Variants in SCN1A observed in about 807,000 individuals in gnomAD.
SCN1A encodes sodium voltage-gated channel alpha subunit 1, also known as sodium channel protein type 1 subunit alpha.
In SCN1A, 13 loss-of-function variants were observed where a neutral mutation model predicts 193.7. That is an observed-to-expected ratio of 0.07 (90% CI 0.04 to 0.11). The LOEUF (loss-of-function observed/expected upper bound fraction) is 0.11. Among genes scored for constraint, SCN1A ranks in the 10% least tolerant of loss-of-function variants. The pLI, the probability that SCN1A is intolerant of heterozygous loss-of-function variation, is 1.00. For missense variants in SCN1A, 1,432 were observed against 2,451.1 expected (o/e 0.58, Z 8.78); for synonymous variants, 781 against 843.6 (o/e 0.93, Z 1.29).
At chr2:166,024,007 C>A (rs539491111) in intron 19 of SCN1A, among the ~76,000 whole-genome samples, 1 of 152,094 alleles carries the variant, frequency 6.6e-6, no homozygotes, top group Admixed American at 6.6e-5. Flanking sequence ...GAACTCCTGA[C>A]CTCAGGTGAT....
intron 1 of SCN1A, among the ~76,000 whole-genome samples, chr2:166,147,581 A>G (rs1221258085): frequency 6.6e-6 from 1 of 152,306 alleles, no homozygotes; most frequent in East Asian, 1.9e-4. Context: ...ATCATTTTTT[A>G]ACTTATGAGG....
At chr2:166,029,900 C>A (rs1297778191) in intron 19 of SCN1A, among the ~76,000 whole-genome samples, 1 of 152,086 alleles carries the variant, frequency 6.6e-6, no homozygotes, top group Admixed American at 6.6e-5. Context: ...TAGAATTAGA[C>A]CACCACAGGT....
intron 5 of SCN1A, 118 bp downstream of exon 5, chr2:166,058,452 A>T: frequency 1.6e-6 from 1 of 610,658 alleles, no homozygotes; most frequent in East Asian, 2.7e-5. Context: ...AAAGATGCAA[A>T]ATGAGAGTGA....
rs770111331 is a variant in SCN1A, at chr2:165,992,334, T to C, written c.4941A>G (p.Leu1647=). The C allele has an allele frequency of 3.1e-6, 5 of 1,613,704 alleles. No individual in the cohort carries two copies. Among genetic ancestry groups the C allele is most frequent in the East Asian group, 2.2e-5 (1 of 44,832 alleles). The part of the protein sequence containing the change: ...VIRLARIGRI[L]RLIKGAKGIR... ...TCCCCTTTGCTCCTTTGATCAGACGTAGGATTCGGCCAATCCTAGCAAGAC... is the reference window on the plus strand; with the variant it reads ...TCCCCTTTGCTCCTTTGATCAGACGCAGGATTCGGCCAATCCTAGCAAGAC... Residue 1647 remains leucine (L), a synonymous_variant, in exon 29 of 29, where the codon CTA becomes CTG. Transcript: ENST00000674923. This position sits in a 1 kb window ranked among gnomAD's most constrained non-coding sequence, Gnocchi z 6.5.
chr2:166,023,783 T>G (rs1694374996), intron 19 of SCN1A, among the ~76,000 whole-genome samples: 1 of 144,882 alleles, frequency 6.9e-6, no homozygotes, highest in Non-Finnish European at 1.5e-5. Flanking sequence ...AAAATGATGT[T>G]TTTTTTTTTG....
intron 2 of SCN1A, among the ~76,000 whole-genome samples, chr2:166,103,068 G>GATAGAT (rs1553571675): frequency 1.3e-5 from 2 of 149,026 alleles, no homozygotes; most frequent in Non-Finnish European, 3.0e-5. Flanking sequence ...AGATTTGGGA[G>GATAGAT]ATATATATAT....
chr2:165,997,940 C>T, intron 26 of SCN1A, 98 bp downstream of exon 26: 2 of 899,950 alleles, frequency 2.2e-6, no homozygotes, highest in South Asian at 2.8e-5. Flanking sequence ...ATATATACTC[C>T]CATTTTGTTT....
Position 165,986,459 on chromosome 2 carries a change from T to C in SCN1A, c.*4786A>G, listed in dbSNP as rs1688616026. 6.6e-6 allele frequency: 1 copy of C among 152,132 alleles called. No homozygotes were observed. The allele number at this position is 152,132 out of a possible 1,614,324, so 9.4% of individuals were successfully genotyped here. A position where few individuals can be genotyped will look rare whatever the true frequency, so the allele number is the denominator to read the frequency against. ...TAACCACTATGCCGCAGATCTTTTC[T>C]AAAATATTCTTATTTTAATTAAACA... On this transcript the variant is annotated 3_prime_UTR_variant, in exon 29 of 29. Coordinates refer to ENST00000674923, the MANE Select transcript of SCN1A (RefSeq NM_001165963.4).
chr2:166,049,005 A>T, intron 9 of SCN1A, 56 bp from the exon 10 acceptor site: 1 of 1,083,140 alleles, frequency 9.2e-7, no homozygotes, highest in Non-Finnish European at 1.4e-6. Flanking sequence ...AAACACTCAA[A>T]TGAGAACAGG....
At chr2:166,035,071 A>G (rs1274832617) in intron 19 of SCN1A, among the ~76,000 whole-genome samples, 2 of 152,168 alleles carry the variant, frequency 1.3e-5, no homozygotes, top group African/African-American at 4.8e-5. Flanking sequence ...TAGTTGAAGG[A>G]GCTACAAGAA....
At chr2:166,059,954 C>A (rs1257613840) in intron 4 of SCN1A, among the ~76,000 whole-genome samples, 2 of 151,966 alleles carry the variant, frequency 1.3e-5, no homozygotes, top group East Asian at 3.9e-4. Context: ...GGTCCCCCAA[C>A]CAGTACTGGT....
At chr2:166,102,242 A>G (rs1349206018) in intron 2 of SCN1A, among the ~76,000 whole-genome samples, 1 of 152,236 alleles carries the variant, frequency 6.6e-6, no homozygotes. Flanking sequence ...CGCGCCTGCA[A>G]TCCCAGCACT....
chr2:166,119,366 C>T (rs749637496), intron 2 of SCN1A, among the ~76,000 whole-genome samples: 1 of 152,138 alleles, frequency 6.6e-6, no homozygotes, highest in Admixed American at 6.5e-5. Flanking sequence ...ACTTGCCATT[C>T]CATTTGATAA....
upstream of SCN1A, among the ~76,000 whole-genome samples, chr2:166,132,787 C>A (rs1394911759): frequency 6.6e-6 from 1 of 152,018 alleles, no homozygotes; most frequent in Non-Finnish European, 1.5e-5. Flanking sequence ...TAATAATCAG[C>A]CATTTTTTTC....
At chr2:166,087,361 G>A (rs1216153103) in intron 2 of SCN1A, among the ~76,000 whole-genome samples, 1 of 152,116 alleles carries the variant, frequency 6.6e-6, no homozygotes, top group East Asian at 1.9e-4. Context: ...AGCTACTTGG[G>A]AGGATGAGGC....
At position 166,012,247 on chromosome 2, in the gene SCN1A, C is replaced by G; in HGVS notation, c.3741G>C (p.Thr1247=). 1 of 1,609,448 alleles carries G rather than the reference C, an allele frequency of 6.2e-7. No homozygotes were observed. Among genetic ancestry groups the G allele is most frequent in the African/African-American group, 1.3e-5 (1 of 74,744 alleles). ...FEDIYIDQRK[T]IKTMLEYADK... The stretch of plus-strand genomic sequence containing the variant: ...CAGCATATTCCAACATCGTCTTAAT[C>G]GTCTTTCGCTGATCAATATATATAT... Residue 1247 remains threonine, a synonymous_variant, in exon 22 of 29, where the codon ACG becomes ACC. Coordinates refer to ENST00000674923, the MANE Select transcript of SCN1A (RefSeq NM_001165963.4).
Position 166,124,366 on chromosome 2 carries a change from T to G in SCN1A, c.-142+2558A>C, listed in dbSNP as rs149473499. 2.3e-3 allele frequency among the ~76,000 whole-genome samples: 346 copies of G among 151,682 alleles called. 4 individuals carry two copies. Among genetic ancestry groups the G allele is most frequent in the African/African-American group, 8.2e-3 (338 of 41,302 alleles). ...GAGATCGAGACTAGCCGGGCCAACA[T>G]AGTGAAACCCCATCTCTACAAAATA... On this transcript the variant is annotated intron_variant, in intron 2 of 28. Transcript: ENST00000674923.
chr2:166,114,512 G>A (rs1301332420), intron 2 of SCN1A, among the ~76,000 whole-genome samples: 1 of 152,158 alleles, frequency 6.6e-6, no homozygotes, highest in Non-Finnish European at 1.5e-5. Flanking sequence ...TATATCTTGT[G>A]TGTACTGCAT....
intron 2 of SCN1A, among the ~76,000 whole-genome samples, chr2:166,106,693 T>C (rs1233413653): frequency 2.0e-5 from 3 of 152,174 alleles, no homozygotes; most frequent in Non-Finnish European, 4.4e-5. Flanking sequence ...CATCTGGGCA[T>C]GTGGCTGGGG....
Sources: gnomAD v4.1 joint callset for allele counts (sites outside exome capture counted in the v4.1 genomes callset) on GRCh38, gnomAD v4.1.1 for gene constraint, Gnocchi (gnomAD v3.1) non-coding constraint, MANE v1.5 for transcripts, NCBI Gene and HGNC (gene_info 2026-07-23, HGNC 2026-07-21) for gene names.